Variants in TANK observed in about 807,000 individuals in gnomAD.
TANK encodes TRAF family member-associated NF-kappa-B activator.
Under a neutral mutation model 43.6 loss-of-function variants are expected in TANK, and 15 were observed. That is an observed-to-expected ratio of 0.34 (90% confidence interval 0.23 to 0.53). The LOEUF is 0.53. Ranked by LOEUF, TANK falls within the 20% of genes least tolerant of loss-of-function variation. The pLI, the probability that TANK is intolerant of heterozygous loss-of-function variation, is 0.94. For synonymous variants in TANK, 162 were observed against 178.2 expected (o/e 0.91, Z 0.73); for missense variants, 417 against 498.6 (o/e 0.84, Z 1.56).
chr2:161,180,076 T>G (rs781743003), intron 2 of TANK: 84 of 1,026,448 alleles, frequency 8.2e-5, no homozygotes, highest in East Asian at 3.9e-4. Context: ...AAAAACAGTT[T>G]TATGACACAG....
intron 1 of TANK, among the ~76,000 whole-genome samples, chr2:161,178,185 G>C (rs1361788394): frequency 6.6e-6 from 1 of 152,006 alleles, no homozygotes; most frequent in Admixed American, 6.6e-5. Flanking sequence ...TATTGAAAAC[G>C]TGTTCACACA....
chr2:161,218,830 A>T (rs1687227004), intron 4 of TANK, among the ~76,000 whole-genome samples: 1 of 152,044 alleles, frequency 6.6e-6, no homozygotes, highest in Non-Finnish European at 1.5e-5. Flanking sequence ...CTTTTTTGAG[A>T]TGAGTTCTTG....
chr2:161,203,001 G>T, intron 2 of TANK: 1 of 308,518 alleles, frequency 3.2e-6, no homozygotes, highest in East Asian at 1.1e-4. Context: ...TTTATAATTT[G>T]CATTTGTCCC....
At chr2:161,182,583 A>T (rs1343943310) in intron 2 of TANK, among the ~76,000 whole-genome samples, 1 of 151,964 alleles carries the variant, frequency 6.6e-6, no homozygotes, top group Non-Finnish European at 1.5e-5. Context: ...GTCTTTGGGG[A>T]GTTGGGGTGC....
chr2:161,186,268 A>T (rs1574003285), intron 2 of TANK, among the ~76,000 whole-genome samples: 1 of 152,220 alleles, frequency 6.6e-6, no homozygotes, highest in Admixed American at 6.5e-5. Flanking sequence ...CAGTCCATTT[A>T]TCTCCTACCA....
intron 1 of TANK, chr2:161,160,859 C>G (rs1000049075): frequency 3.9e-6 from 2 of 508,188 alleles, no homozygotes; most frequent in African/African-American, 3.9e-5. Context: ...TCCCGACTTC[C>G]CTTCGGGAGA....
chr2:161,207,672 C>A, intron 4 of TANK: 1 of 985,264 alleles, frequency 1.0e-6, no homozygotes, highest in Non-Finnish European at 1.2e-6. Context: ...AAATATGTTC[C>A]ATTGGCCTAT....
At chr2:161,137,377 T>A in intron 1 of TANK, 1 of 296,590 alleles carries the variant, frequency 3.4e-6, no homozygotes, top group Non-Finnish European at 5.0e-6. Context: ...AATAAATAAG[T>A]AAATAATGGG....
At chr2:161,224,930 G>A (rs537467612) in intron 6 of TANK, among the ~76,000 whole-genome samples, 184 bp downstream of exon 6, 2 of 151,758 alleles carry the variant, frequency 1.3e-5, no homozygotes, top group Admixed American at 1.3e-4. Context: ...TGTAATTGTT[G>A]GTTTTTTTCT....
intron 1 of TANK, chr2:161,163,174 G>T (rs977071493): frequency 2.0e-5 from 3 of 152,182 alleles, no homozygotes; most frequent in African/African-American, 4.8e-5. Context: ...CTCTTCCTCC[G>T]CTCTGATGTA....
intron 3 of TANK, 112 bp downstream of exon 3, chr2:161,203,707 A>G: frequency 1.5e-6 from 1 of 658,412 alleles, no homozygotes; most frequent in Non-Finnish European, 2.6e-6. Flanking sequence ...TTTTGATATT[A>G]TAACTGTGGT....
chr2:161,138,422 T>C (rs1683649015), intron 1 of TANK, among the ~76,000 whole-genome samples: 1 of 152,196 alleles, frequency 6.6e-6, no homozygotes, highest in African/African-American at 2.4e-5. Flanking sequence ...ATTTGAGAGA[T>C]GTCATATCCC....
At chr2:161,182,533 T>C (rs1256677224) in intron 2 of TANK, among the ~76,000 whole-genome samples, 2 of 152,104 alleles carry the variant, frequency 1.3e-5, no homozygotes, top group Admixed American at 6.5e-5. Flanking sequence ...AAGAGACATA[T>C]AAGGTGAGGT....
At chr2:161,228,502 T>C (rs894470433) in intron 6 of TANK, among the ~76,000 whole-genome samples, 1 of 151,854 alleles carries the variant, frequency 6.6e-6, no homozygotes, top group African/African-American at 2.4e-5. Context: ...TTGCACTCTA[T>C]CCAGCCTGGG....
intron 1 of TANK, among the ~76,000 whole-genome samples, chr2:161,168,252 G>C (rs1684781855): frequency 6.6e-6 from 1 of 152,168 alleles, no homozygotes; most frequent in Admixed American, 6.5e-5. Flanking sequence ...ATGAAATAAG[G>C]AGGGAAGTTC....
chr2:161,181,230 G>A (rs1485666902), intron 2 of TANK, among the ~76,000 whole-genome samples: 8 of 152,124 alleles, frequency 5.3e-5, no homozygotes. Context: ...AGACCAGCCT[G>A]ACCAACATGG....
At position 161,173,952 on chromosome 2, in the gene TANK, A is replaced by G. The variant is rs181998949; in HGVS notation, c.-49-5662A>G. Among the ~76,000 whole-genome samples the G allele has an allele frequency of 3.5e-4, 54 of 152,246 alleles. 1 individual carries two copies. Among genetic ancestry groups the G allele is most frequent in the Non-Finnish European group, 6.9e-4 (47 of 68,016 alleles). Reference sequence around the variant, plus strand: ...AGCTGGGAAAAAAGGTGAAAGGGAAAACTTGTTATGGAAGTTACACCCATT... The same window carrying G: ...AGCTGGGAAAAAAGGTGAAAGGGAAGACTTGTTATGGAAGTTACACCCATT... On this transcript the variant is annotated intron_variant, in intron 1 of 7. Transcript: ENST00000392749.
At chr2:161,219,686 T>A (rs886299722) in intron 4 of TANK, 7 of 434,872 alleles carry the variant, frequency 1.6e-5, no homozygotes, top group African/African-American at 6.3e-5. Context: ...TTAATCTTTT[T>A]CTGTCTCAGC....
chr2:161,204,606 T>G, intron 3 of TANK, 69 bp from the exon 4 acceptor site: 2 of 1,419,678 alleles, frequency 1.4e-6, no homozygotes, highest in Middle Eastern at 3.7e-4. Context: ...TTGTATTATT[T>G]TTTGCTTTTT....
Sources: allele counts gnomAD v4.1 joint callset (sites outside exome capture counted in the v4.1 genomes callset), GRCh38; gene constraint gnomAD v4.1.1; transcripts MANE v1.5; gene names NCBI Gene and HGNC (gene_info 2026-07-23, HGNC 2026-07-21).